The following FUT9 variants were observed in gnomAD, a reference collection of about 807,000 sequenced individuals.
FUT9 encodes 4-galactosyl-N-acetylglucosaminide 3-alpha-L-fucosyltransferase 9.
FUT9 carries 15 observed loss-of-function variants against 29.7 expected under a neutral mutation model. The observed-to-expected ratio is 0.51, with a 90% CI of 0.34 to 0.78. FUT9 has a LOEUF of 0.78. FUT9 is among the 30% of genes least tolerant of loss of function. The pLI, the probability that FUT9 is intolerant of heterozygous loss-of-function variation, is 0.01. For missense variants in FUT9, 319 were observed against 425.4 expected, an observed-to-expected ratio of 0.75 and a Z score of 2.20; for synonymous variants, 169 against 153.7, an observed-to-expected ratio of 1.10 and a Z score of -0.74.
At chr6:96,119,314 A>T (rs1011276061) in intron 2 of FUT9, among the ~76,000 whole-genome samples, 1 of 152,130 alleles carries the variant, frequency 6.6e-6, no homozygotes, top group Non-Finnish European at 1.5e-5. Context: ...TACAAATACC[A>T]TTGTGTTAAA....
At chr6:96,087,873 T>C (rs1771344896) in intron 1 of FUT9, among the ~76,000 whole-genome samples, 1 of 152,208 alleles carries the variant, frequency 6.6e-6, no homozygotes, top group South Asian at 2.1e-4. Flanking sequence ...ACAAGGATCA[T>C]TTCTTCTGAA....
At chr6:96,109,578 A>G (rs1008340876) in intron 1 of FUT9, among the ~76,000 whole-genome samples, 13 of 152,324 alleles carry the variant, frequency 8.5e-5, no homozygotes, top group Admixed American at 5.2e-4. Context: ...AAATGACCAT[A>G]CTAATGAATT....
intron 1 of FUT9, among the ~76,000 whole-genome samples, chr6:96,041,152 C>T (rs1420470769): frequency 3.3e-5 from 5 of 151,660 alleles, no homozygotes. Flanking sequence ...TGTATTTACA[C>T]ATCAGTGTCT....
chr6:96,166,461 A>G (rs1263084579), intron 2 of FUT9, among the ~76,000 whole-genome samples: 1 of 152,216 alleles, frequency 6.6e-6, no homozygotes, highest in African/African-American at 2.4e-5. Context: ...AGGAGCCACA[A>G]GTTTTTACTT....
At position 96,214,653 on chromosome 6, in the gene FUT9, T is replaced by TA. The variant is rs1263154735; in HGVS notation, c.*10420dup. Reference sequence around the variant, plus strand: ...TTGAAAGGGCTTAATCCCAAACAGGTAATATGTGTGGATCAATCATCTCTC... The same window carrying TA: ...TTGAAAGGGCTTAATCCCAAACAGGTAAATATGTGTGGATCAATCATCTCTC... On this transcript the variant is annotated 3_prime_UTR_variant, in exon 3 of 3. Transcript: ENST00000302103. The TA allele has an allele frequency of 6.6e-5, 11 of 166,934 alleles. No individual in the cohort carries two copies. Among genetic ancestry groups the TA allele is most frequent in the Admixed American group, 2.6e-4 (4 of 15,254 alleles). The allele number at this position is 166,934 out of a possible 1,614,324, so 10.3% of individuals were successfully genotyped here. A position where few individuals can be genotyped will look rare whatever the true frequency, so the allele number is the denominator to read the frequency against.
chr6:96,051,745 T>C (rs924577406), intron 1 of FUT9, among the ~76,000 whole-genome samples: 1 of 151,980 alleles, frequency 6.6e-6, no homozygotes, highest in African/African-American at 2.4e-5. Flanking sequence ...AAATATGTGA[T>C]TAAATACATG....
At chr6:96,055,239 A>G (rs1770741209) in intron 1 of FUT9, among the ~76,000 whole-genome samples, 1 of 152,168 alleles carries the variant, frequency 6.6e-6, no homozygotes, top group Admixed American at 6.5e-5. Flanking sequence ...GCCTTTGCAT[A>G]TAGCTTTAGT....
Position 96,111,978 on chromosome 6 carries a change from A to C in FUT9, c.-97-2061A>C, listed in dbSNP as rs544532200. On this transcript the variant is annotated intron_variant, in intron 1 of 2. Coordinates refer to ENST00000302103, the MANE Select transcript of FUT9 (RefSeq NM_006581.4). ...CTCATTTAACAATCCTAAGACAGCT[A>C]TACACAGTTTCAACAAAGAAATTCA... 2.0e-5 allele frequency among the ~76,000 whole-genome samples: 3 copies of C among 152,312 alleles called. No individual in the cohort carries two copies. The East Asian group carries it at 5.8e-4, about 29-fold the overall frequency.
chr6:96,163,617 A>G (rs1003365976), intron 2 of FUT9, among the ~76,000 whole-genome samples: 1 of 151,492 alleles, frequency 6.6e-6, no homozygotes, highest in African/African-American at 2.4e-5. Context: ...TCTATAAATT[A>G]GTTCTGACCA....
chr6:96,171,504 A>T (rs1346924454), intron 2 of FUT9, among the ~76,000 whole-genome samples: 1 of 149,706 alleles, frequency 6.7e-6, no homozygotes, highest in African/African-American at 2.5e-5. Flanking sequence ...GGGACACAAT[A>T]GTTGTCTGAG....
intron 1 of FUT9, among the ~76,000 whole-genome samples, chr6:96,110,373 CTT>C (rs1198695879): frequency 5.3e-5 from 8 of 152,268 alleles, no homozygotes; most frequent in African/African-American, 1.9e-4. Flanking sequence ...CTAAAGGAAA[CTT>C]GGGATTGCAA....
intron 2 of FUT9, among the ~76,000 whole-genome samples, chr6:96,147,147 T>C (rs1452669072): frequency 1.3e-5 from 2 of 149,206 alleles, no homozygotes; most frequent in East Asian, 2.0e-4. Flanking sequence ...ACCTGTCCAA[T>C]TTTTTTTTTA....
intron 2 of FUT9, among the ~76,000 whole-genome samples, chr6:96,156,036 A>T (rs1772778866): frequency 6.6e-6 from 1 of 152,240 alleles, no homozygotes; most frequent in African/African-American, 2.4e-5. Flanking sequence ...TTGTTGCAGT[A>T]GGAGACTTTA....
At chr6:96,029,792 C>G (rs1582180080) in intron 1 of FUT9, among the ~76,000 whole-genome samples, 1 of 151,288 alleles carries the variant, frequency 6.6e-6, no homozygotes, top group South Asian at 2.1e-4. Flanking sequence ...ATTAAAGAAC[C>G]TAATAGGAAA....
At chr6:96,085,451 C>T (rs1001859077) in intron 1 of FUT9, among the ~76,000 whole-genome samples, 1 of 152,208 alleles carries the variant, frequency 6.6e-6, no homozygotes. Flanking sequence ...AAGCGTAGAG[C>T]ACTCACAATC....
intron 1 of FUT9, among the ~76,000 whole-genome samples, chr6:96,107,977 A>T (rs1313616355): frequency 6.8e-6 from 1 of 147,896 alleles, no homozygotes; most frequent in Non-Finnish European, 1.5e-5. Context: ...CACGTCTCTC[A>T]TGGCCACTTT....
rs556145395 is a variant in FUT9, at chr6:96,163,060, T to A, written c.-8-40088T>A. 2.0e-5 allele frequency among the ~76,000 whole-genome samples: 3 copies of A among 152,320 alleles called. No individual in the cohort carries two copies. The East Asian group carries it at 5.8e-4, about 29-fold the overall frequency. On this transcript the variant is annotated intron_variant, in intron 2 of 2. Coordinates refer to ENST00000302103, the MANE Select transcript of FUT9 (RefSeq NM_006581.4). ...TGGAGAGGATTTTGGCTCTTCATTG[T>A]GAGATTCATTTGGAAATCCCAAGAA...
At chr6:96,085,002 T>G (rs1021847588) in intron 1 of FUT9, among the ~76,000 whole-genome samples, 1 of 152,188 alleles carries the variant, frequency 6.6e-6, no homozygotes, top group African/African-American at 2.4e-5. Flanking sequence ...CTATCCACAT[T>G]GCTAAATGTA....
At chr6:96,169,887 C>T (rs953619926) in intron 2 of FUT9, among the ~76,000 whole-genome samples, 1 of 151,990 alleles carries the variant, frequency 6.6e-6, no homozygotes, top group Non-Finnish European at 1.5e-5. Flanking sequence ...ATTTTGCCAA[C>T]CAAAGAAATT....
Sources: gnomAD v4.1 joint callset for allele counts (sites outside exome capture counted in the v4.1 genomes callset) on GRCh38, gnomAD v4.1.1 for gene constraint, MANE v1.5 for transcripts, NCBI Gene and HGNC (gene_info 2026-07-23, HGNC 2026-07-21) for gene names.